Variants in DISC1 observed in about 807,000 individuals in gnomAD.
DISC1 encodes the protein DISC1 scaffold protein, also known as disrupted in schizophrenia 1 protein.
A neutral mutation model predicts 84.5 loss-of-function variants in DISC1; 57 were observed. That is an observed-to-expected ratio of 0.67 (90% CI 0.55 to 0.84). The LOEUF is 0.84. Among genes scored for constraint, DISC1 ranks in the 40% least tolerant of loss-of-function variants. The pLI is 0.00. For synonymous variants in DISC1, 411 were observed against 415.2 expected, an observed-to-expected ratio of 0.99 and a Z score of 0.12; for missense variants, 1,000 against 1,057.8, an observed-to-expected ratio of 0.95 and a Z score of 0.76.
At chr1:231,900,200 G>A (rs889542670) in intron 9 of DISC1, among the ~76,000 whole-genome samples, 8 of 152,112 alleles carry the variant, frequency 5.3e-5, no homozygotes, top group Admixed American at 2.0e-4. Flanking sequence ...ACAGGAGATC[G>A]CTATTATCAG....
At chr1:231,855,698 G>A (rs546102874) in intron 9 of DISC1, among the ~76,000 whole-genome samples, 7 of 152,218 alleles carry the variant, frequency 4.6e-5, no homozygotes, top group African/African-American at 1.4e-4. Flanking sequence ...GACTTTAAGG[G>A]TGATTATATC....
At chr1:232,002,687 G>T (rs1772701) in intron 10 of DISC1, among the ~76,000 whole-genome samples, 1 of 150,830 alleles carries the variant, frequency 6.6e-6, no homozygotes, top group Non-Finnish European at 1.5e-5. Flanking sequence ...TTTATACAAC[G>T]TTTTTGAAAT....
intron 9 of DISC1, among the ~76,000 whole-genome samples, chr1:231,881,357 A>G (rs2086279084): frequency 6.6e-6 from 1 of 152,204 alleles, no homozygotes; most frequent in Admixed American, 6.5e-5. Context: ...GCTCTAGGGA[A>G]GGATCTGTTC....
intron 9 of DISC1, among the ~76,000 whole-genome samples, chr1:231,851,244 A>G (rs2083875842): frequency 6.6e-6 from 1 of 152,194 alleles, no homozygotes; most frequent in Non-Finnish European, 1.5e-5. Context: ...TTTAAGTGCT[A>G]ACAATCCAGT....
intron 12 of DISC1, among the ~76,000 whole-genome samples, chr1:232,035,893 C>T (rs1174201572): frequency 1.3e-5 from 2 of 152,176 alleles, no homozygotes; most frequent in Non-Finnish European, 2.9e-5. Context: ...AGAACTACAG[C>T]CTTATCTATT....
intron 10 of DISC1, among the ~76,000 whole-genome samples, chr1:232,007,080 T>C (rs1199618764): frequency 6.6e-6 from 1 of 152,190 alleles, no homozygotes; most frequent in Non-Finnish European, 1.5e-5. Context: ...TGCCTAGATT[T>C]CAGAGGATGT....
At chr1:231,955,365 A>T (rs958558120) in intron 9 of DISC1, among the ~76,000 whole-genome samples, 3 of 152,038 alleles carry the variant, frequency 2.0e-5, no homozygotes, top group African/African-American at 4.8e-5. Context: ...AATTTAACAA[A>T]TCCAAAGCCA....
intron 9 of DISC1, among the ~76,000 whole-genome samples, chr1:231,945,439 A>G (rs1488066440): frequency 2.6e-5 from 4 of 152,220 alleles, no homozygotes; most frequent in African/African-American, 9.6e-5. Flanking sequence ...AACAAAGCAG[A>G]ATCTCTGGGA....
chr1:232,012,069 A>G (rs181417232), intron 11 of DISC1, among the ~76,000 whole-genome samples: 1 of 152,334 alleles, frequency 6.6e-6, no homozygotes, highest in Admixed American at 6.5e-5. Context: ...TACCTAGTAG[A>G]GGCTAATTTG....
At chr1:231,952,099 A>G (rs1430346771) in intron 9 of DISC1, among the ~76,000 whole-genome samples, 1 of 150,318 alleles carries the variant, frequency 6.7e-6, no homozygotes, top group Non-Finnish European at 1.5e-5. Flanking sequence ...TCAAAAAAAA[A>G]AAAAAAAAAA....
At chr1:231,645,058 A>G (rs2060011852) in intron 1 of DISC1, among the ~76,000 whole-genome samples, 1 of 151,988 alleles carries the variant, frequency 6.6e-6, no homozygotes, top group East Asian at 1.9e-4. Context: ...CTAAAAATCT[A>G]TTTTCTGGAT....
intron 9 of DISC1, among the ~76,000 whole-genome samples, chr1:231,841,407 G>A (rs992601023): frequency 1.3e-5 from 2 of 152,198 alleles, no homozygotes; most frequent in African/African-American, 4.8e-5. Context: ...ACAGCATTGC[G>A]AGTCACCCCT....
Position 232,009,457 on chromosome 1 carries a change from T to TAC in DISC1, c.2307+408_2307+409insAC. 1.0e-5 allele frequency: 6 copies of TAC among 578,086 alleles called. No individual in the cohort carries two copies. Among genetic ancestry groups the TAC allele is most frequent in the Non-Finnish European group, 1.3e-5 (6 of 460,246 alleles). 35.8% of individuals were successfully genotyped at this position (578,086 alleles called of 1,614,324 possible). A position where few individuals can be genotyped will look rare whatever the true frequency, so the allele number is the denominator to read the frequency against. On this transcript the variant is annotated intron_variant, in intron 11 of 12. Coordinates refer to ENST00000439617, the MANE Select transcript of DISC1 (RefSeq NM_018662.3). This position sits in a 1 kb window ranked among gnomAD's most constrained non-coding sequence, Gnocchi z 4.6. ...TATGTATTGTATGTCATATATGATG[T>TAC]TTATATATTTAGAATCTATATATTA...
intron 9 of DISC1, among the ~76,000 whole-genome samples, chr1:231,888,855 A>C (rs2086988277): frequency 6.6e-6 from 1 of 151,728 alleles, no homozygotes; most frequent in Non-Finnish European, 1.5e-5. Flanking sequence ...GGCCCAGAGG[A>C]TGCTTCTTTC....
chr1:231,961,660 C>G (rs767853003), intron 10 of DISC1, among the ~76,000 whole-genome samples: 2 of 152,110 alleles, frequency 1.3e-5, no homozygotes, highest in Non-Finnish European at 1.5e-5. Context: ...CATTAATTTG[C>G]TTAGAATAAT....
intron 9 of DISC1, among the ~76,000 whole-genome samples, chr1:231,947,946 AGT>A (rs1657555299): frequency 6.6e-6 from 1 of 152,216 alleles, no homozygotes; most frequent in South Asian, 2.1e-4. Context: ...ATCATTAAAA[AGT>A]CAGGAAACAA....
intron 6 of DISC1, among the ~76,000 whole-genome samples, chr1:231,773,574 C>T (rs561746623): frequency 8.5e-5 from 13 of 152,168 alleles, no homozygotes; most frequent in Admixed American, 4.6e-4. Flanking sequence ...TTAGTAGAGA[C>T]AGGGTTTCAC....
At chr1:231,712,774 T>C (rs1209179131) in intron 3 of DISC1, among the ~76,000 whole-genome samples, 2 of 152,148 alleles carry the variant, frequency 1.3e-5, no homozygotes, top group Non-Finnish European at 2.9e-5. Context: ...GCTGGAAAAA[T>C]GGCAGGCATT....
At chr1:231,976,832 G>T (rs1010416392) in intron 10 of DISC1, among the ~76,000 whole-genome samples, 3 of 152,178 alleles carry the variant, frequency 2.0e-5, no homozygotes, top group East Asian at 1.9e-4. Context: ...TCAAATGTTT[G>T]TTGGAAATGT....
Sources: gnomAD v4.1 joint callset for allele counts (sites outside exome capture counted in the v4.1 genomes callset) on GRCh38, gnomAD v4.1.1 for gene constraint, Gnocchi (gnomAD v3.1) non-coding constraint, MANE v1.5 for transcripts, NCBI Gene and HGNC (gene_info 2026-07-23, HGNC 2026-07-21) for gene names.